Variants in PCDH9 observed in about 807,000 individuals in gnomAD.
PCDH9 encodes the protein protocadherin-9.
In PCDH9, 24 loss-of-function variants were observed where a neutral mutation model predicts 70.6. The ratio of observed to expected loss-of-function variants is 0.34; its 90% CI spans 0.25 to 0.48. The LOEUF (loss-of-function observed/expected upper bound fraction) is 0.48. PCDH9 is among the 20% of genes least tolerant of loss of function. PCDH9 has a pLI of 0.99. For synonymous variants in PCDH9, 562 were observed against 558.5 expected (o/e 1.01, Z -0.09); for missense variants, 1,281 against 1,503.6 (o/e 0.85, Z 2.45).
At chr13:66,730,887 GT>G (rs1303010293) in intron 3 of PCDH9, among the ~76,000 whole-genome samples, 2 of 60,772 alleles carry the variant, frequency 3.3e-5, no homozygotes, top group African/African-American at 1.2e-4. Flanking sequence ...TTTTTTTTTT[GT>G]TTGTTTCTTT....
At chr13:66,367,587 G>C (rs1339052062) in intron 4 of PCDH9, among the ~76,000 whole-genome samples, 2 of 152,194 alleles carry the variant, frequency 1.3e-5, no homozygotes, top group Non-Finnish European at 2.9e-5. Flanking sequence ...AAGGTGGCCA[G>C]TGGGAGGAAA....
chr13:67,048,523 C>G (rs930069042), intron 2 of PCDH9, among the ~76,000 whole-genome samples: 1 of 152,126 alleles, frequency 6.6e-6, no homozygotes, highest in Admixed American at 6.5e-5. Context: ...CCGGGCATTT[C>G]CTCCCACACA....
intron 4 of PCDH9, among the ~76,000 whole-genome samples, chr13:66,594,708 G>A (rs1179350818): frequency 2.6e-5 from 4 of 151,318 alleles, no homozygotes; most frequent in Non-Finnish European, 5.9e-5. Context: ...TCCCTGTTGT[G>A]TTCTCATTGT....
chr13:67,172,533 T>G, intron 2 of PCDH9, among the ~76,000 whole-genome samples: 1 of 152,114 alleles, frequency 6.6e-6, no homozygotes, highest in East Asian at 1.9e-4. Flanking sequence ...ACCTGAGAAT[T>G]GAAGTGATAA....
intron 4 of PCDH9, among the ~76,000 whole-genome samples, chr13:66,494,392 A>G (rs1959081748): frequency 3.3e-5 from 5 of 152,202 alleles, no homozygotes; most frequent in Admixed American, 3.3e-4. Context: ...CAAATCACCA[A>G]GCCTGACAAA....
At chr13:66,938,731 G>A (rs1326854148) in intron 2 of PCDH9, among the ~76,000 whole-genome samples, 2 of 152,164 alleles carry the variant, frequency 1.3e-5, no homozygotes, top group Non-Finnish European at 2.9e-5. Flanking sequence ...CTGGAAGACT[G>A]AGGGAAGGCC....
chr13:67,137,322 TA>T (rs2087258094), intron 2 of PCDH9, among the ~76,000 whole-genome samples: 1 of 152,108 alleles, frequency 6.6e-6, no homozygotes, highest in African/African-American at 2.4e-5. Context: ...GTAAACTATT[TA>T]AATCATATCG....
intron 4 of PCDH9, among the ~76,000 whole-genome samples, chr13:66,588,616 T>G (rs1455325255): frequency 2.0e-5 from 3 of 151,872 alleles, no homozygotes; most frequent in Non-Finnish European, 4.4e-5. Context: ...CTAAATAATT[T>G]TTTTTCCCTA....
chr13:67,080,180 T>G (rs1490124391), intron 2 of PCDH9, among the ~76,000 whole-genome samples: 3 of 152,198 alleles, frequency 2.0e-5, no homozygotes, highest in Non-Finnish European at 4.4e-5. Context: ...TTTAAACATA[T>G]TTTGGCAGAA....
chr13:66,905,931 C>T (rs2082353032), intron 2 of PCDH9, among the ~76,000 whole-genome samples: 1 of 152,160 alleles, frequency 6.6e-6, no homozygotes, highest in Non-Finnish European at 1.5e-5. Context: ...CCATATCTCC[C>T]TTAATGGGTT....
intron 4 of PCDH9, among the ~76,000 whole-genome samples, chr13:66,448,006 C>A (rs1331185492): frequency 6.6e-6 from 1 of 152,060 alleles, no homozygotes; most frequent in Non-Finnish European, 1.5e-5. Context: ...ATGCCTTAAT[C>A]ATTTAGTTAT....
chr13:66,391,779 A>G (rs1957022216), intron 4 of PCDH9, among the ~76,000 whole-genome samples: 2 of 151,804 alleles, frequency 1.3e-5, no homozygotes, highest in African/African-American at 2.4e-5. Flanking sequence ...CATGTCATCC[A>G]ATATGCCTTG....
At chr13:66,654,794 G>A (rs1379008339) in intron 3 of PCDH9, among the ~76,000 whole-genome samples, 1 of 152,128 alleles carries the variant, frequency 6.6e-6, no homozygotes, top group Non-Finnish European at 1.5e-5. Flanking sequence ...TGCAGCCTTT[G>A]ACCTCTTGAG....
intron 3 of PCDH9, among the ~76,000 whole-genome samples, chr13:66,654,875 ATTTTTGTTTTTG>A (rs5804286): frequency 6.7e-6 from 1 of 150,366 alleles, no homozygotes; most frequent in South Asian, 2.1e-4. Context: ...TGCTCAGGTA[ATTTTTGTTTTTG>A]TTTTTGTTTT....
Position 67,229,870 on chromosome 13 carries a change from C to A in PCDH9, c.-226G>T, listed in dbSNP as rs1323315557. The stretch of plus-strand genomic sequence containing the variant: ...TAGAAAGCCATGCATCTGGTAGCAC[C>A]AGTTTGGGGAGAAATCAGAAGCAGC... On this transcript the variant is annotated 5_prime_UTR_variant, in exon 1 of 5. Coordinates refer to ENST00000377865, the MANE Select transcript of PCDH9 (RefSeq NM_203487.3). 1 of 152,140 alleles carries A rather than the reference C, an allele frequency of 6.6e-6. No individual in the cohort carries two copies. Among genetic ancestry groups the A allele is most frequent in the Admixed American group, 6.5e-5 (1 of 15,278 alleles). The allele number at this position is 152,140 out of a possible 1,614,324, so 9.4% of individuals were successfully genotyped here.
intron 2 of PCDH9, among the ~76,000 whole-genome samples, chr13:67,165,967 C>T (rs1284280007): frequency 6.6e-6 from 1 of 152,154 alleles, no homozygotes; most frequent in Non-Finnish European, 1.5e-5. Flanking sequence ...GTATCTATTA[C>T]AAGTAATGAG....
chr13:66,815,075 A>G (rs2080577745), intron 3 of PCDH9, among the ~76,000 whole-genome samples: 1 of 152,078 alleles, frequency 6.6e-6, no homozygotes, highest in African/African-American at 2.4e-5. Context: ...AAAACGAACA[A>G]AAACACAAAT....
chr13:67,087,283 C>T (rs1292274478), intron 2 of PCDH9, among the ~76,000 whole-genome samples: 1 of 151,938 alleles, frequency 6.6e-6, no homozygotes, highest in Non-Finnish European at 1.5e-5. Context: ...GTGCTAAAAA[C>T]TCTCACTAGT....
intron 4 of PCDH9, among the ~76,000 whole-genome samples, chr13:66,398,079 G>T: frequency 6.6e-6 from 1 of 151,948 alleles, no homozygotes; most frequent in East Asian, 1.9e-4. Flanking sequence ...AAATTCCAAA[G>T]GGTTATATGA....
Sources: allele counts gnomAD v4.1 joint callset (sites outside exome capture counted in the v4.1 genomes callset), GRCh38; gene constraint gnomAD v4.1.1; transcripts MANE v1.5; gene names NCBI Gene and HGNC (gene_info 2026-07-23, HGNC 2026-07-21).